Variants in ARHGAP32 observed in about 807,000 individuals in gnomAD.
ARHGAP32 encodes Rho GTPase activating protein 32, also known as rho GTPase-activating protein 32.
A neutral mutation model predicts 186.5 loss-of-function variants in ARHGAP32; 51 were observed. The observed-to-expected ratio is 0.27, with a 90% CI of 0.22 to 0.35. The LOEUF (loss-of-function observed/expected upper bound fraction) is 0.35, where lower values mean the gene tolerates loss of function less well. ARHGAP32 is among the 10% of genes least tolerant of loss of function. ARHGAP32 has a pLI of 1.00. For missense variants in ARHGAP32, 2,186 were observed against 2,623.5 expected, an observed-to-expected ratio of 0.83 and a Z score of 3.64; for synonymous variants, 950 against 964.3, an observed-to-expected ratio of 0.99 and a Z score of 0.27.
intron 1 of ARHGAP32, among the ~76,000 whole-genome samples, chr11:129,277,252 G>T (rs1383341613): frequency 6.6e-6 from 1 of 152,002 alleles, no homozygotes; most frequent in Non-Finnish European, 1.5e-5. Context: ...AAGTAGAGAT[G>T]AATGTATTGC....
chr11:128,980,785 C>T (rs1215986500), intron 17 of ARHGAP32, 37 bp from the exon 18 acceptor site: 6 of 1,455,238 alleles, frequency 4.1e-6, no homozygotes, highest in Non-Finnish European at 5.7e-6. Flanking sequence ...AGAGAGTCAA[C>T]TACGTGAGTG....
At chr11:129,199,059 C>T (rs991909043) in intron 1 of ARHGAP32, among the ~76,000 whole-genome samples, 13 of 152,162 alleles carry the variant, frequency 8.5e-5, no homozygotes, top group African/African-American at 3.1e-4. Context: ...ATTTGTGGAA[C>T]TTTGAACTTG....
Position 128,972,784 on chromosome 11 carries a change from G to A in ARHGAP32, c.3722C>T (p.Pro1241Leu). The A allele has an allele frequency of 6.2e-7, 1 of 1,613,922 alleles. No individual in the cohort carries two copies. The highest frequency in any genetic ancestry group is 8.5e-7 in the Non-Finnish European group (1 of 1,179,986). ...LGASVDKLHH[P>L]LEFADKSPTP... Reference sequence around the variant, plus strand: ...GGGAGATTTGTCTGCAAATTCTAAAGGGTGATGGAGTTTATCCACACTTGC... The same window carrying A: ...GGGAGATTTGTCTGCAAATTCTAAAAGGTGATGGAGTTTATCCACACTTGC... Residue 1241 changes from proline to leucine, a missense_variant, in exon 22 of 23, where the codon CCT (proline) becomes CTT (leucine). Physicochemically the swap from Pro to Leu is moderately conservative, Grantham distance 98. Transcript: ENST00000682385.
chr11:129,117,352 C>T (rs1235146262), intron 5 of ARHGAP32, among the ~76,000 whole-genome samples: 2 of 151,988 alleles, frequency 1.3e-5, no homozygotes, highest in African/African-American at 4.8e-5. Flanking sequence ...CTGGCTCAGA[C>T]AAAACATTCA....
intron 1 of ARHGAP32, among the ~76,000 whole-genome samples, chr11:129,189,437 A>G (rs959894227): frequency 2.0e-5 from 3 of 152,226 alleles, no homozygotes; most frequent in African/African-American, 7.2e-5. Context: ...ATTACATATA[A>G]CAATTTCTAA....
At chr11:129,232,980 G>A (rs1944878075) in intron 1 of ARHGAP32, among the ~76,000 whole-genome samples, 1 of 152,090 alleles carries the variant, frequency 6.6e-6, no homozygotes, top group Non-Finnish European at 1.5e-5. Context: ...ATTGGGGTAT[G>A]GATTACTTAA....
intron 1 of ARHGAP32, among the ~76,000 whole-genome samples, chr11:129,277,690 C>T (rs1945549444): frequency 6.6e-6 from 1 of 152,184 alleles, no homozygotes; most frequent in African/African-American, 2.4e-5. Context: ...CATAGAGACA[C>T]CTGCTCTATG....
At chr11:129,039,031 TC>T (rs2135012598) in intron 11 of ARHGAP32, among the ~76,000 whole-genome samples, 1 of 151,136 alleles carries the variant, frequency 6.6e-6, no homozygotes, top group South Asian at 2.1e-4. Context: ...GCAAGTCAAA[TC>T]CACAGTGAGA....
intron 1 of ARHGAP32, among the ~76,000 whole-genome samples, chr11:129,170,474 T>C (rs992223158): frequency 1.3e-5 from 2 of 152,208 alleles, no homozygotes; most frequent in African/African-American, 4.8e-5. Flanking sequence ...GATGATGGCT[T>C]CCAGCTCTGT....
At chr11:129,130,913 C>CCACTAAAAA (rs1370698868) in intron 2 of ARHGAP32, among the ~76,000 whole-genome samples, 1 of 151,938 alleles carries the variant, frequency 6.6e-6, no homozygotes, top group Non-Finnish European at 1.5e-5. Flanking sequence ...TTATTCATAA[C>CCACTAAAAA]CACTAAAAAT....
intron 6 of ARHGAP32, among the ~76,000 whole-genome samples, chr11:129,086,024 A>AAC (rs907807419): frequency 1.3e-5 from 2 of 151,434 alleles, no homozygotes; most frequent in Non-Finnish European, 2.9e-5. Flanking sequence ...AAACAAAAAA[A>AAC]AAAAACAAAA....
rs373633017 is a variant in ARHGAP32, at chr11:129,004,295, T to G, written c.1046-5827A>C. On this transcript the variant is annotated intron_variant, in intron 11 of 22. Transcript: ENST00000682385. ...ACTTTCAGATTTGTGTGACCTAACA[T>G]GTGGTCTATCCTTGAGAATAATCCA... is the stretch of plus-strand genomic sequence containing the variant. 9.0e-5 allele frequency among the ~76,000 whole-genome samples: 13 copies of G among 144,390 alleles called. No homozygotes were observed. The South Asian group carries it at 1.1e-3, about 12-fold the overall frequency. The allele number at this position is 144,390 out of a possible 152,430, so 94.7% of individuals were successfully genotyped here. A position where few individuals can be genotyped will look rare whatever the true frequency, so the allele number is the denominator to read the frequency against.
chr11:129,122,406 C>G (rs1227459024), intron 5 of ARHGAP32, among the ~76,000 whole-genome samples: 1 of 151,816 alleles, frequency 6.6e-6, no homozygotes, highest in East Asian at 1.9e-4. Context: ...CTAAATCACT[C>G]AAACAGATAT....
At chr11:129,042,482 G>A (rs1031884742) in intron 10 of ARHGAP32, among the ~76,000 whole-genome samples, 5 of 151,930 alleles carry the variant, frequency 3.3e-5, no homozygotes, top group Non-Finnish European at 4.4e-5. Flanking sequence ...CCTATTTTAC[G>A]GAACAAGTAG....
intron 1 of ARHGAP32, among the ~76,000 whole-genome samples, chr11:129,230,505 A>T (rs1944843788): frequency 6.6e-6 from 1 of 151,206 alleles, no homozygotes; most frequent in Admixed American, 6.6e-5. Flanking sequence ...GTTTTATTCT[A>T]CTTACTTTTT....
chr11:129,121,590 T>TGGTC, intron 5 of ARHGAP32, among the ~76,000 whole-genome samples: 1 of 152,186 alleles, frequency 6.6e-6, no homozygotes, highest in East Asian at 1.9e-4. Context: ...CCAGGCCTCC[T>TGGTC]GGTCAATCAA....
At chr11:128,983,223 C>G (rs1945760229) in intron 15 of ARHGAP32, among the ~76,000 whole-genome samples, 1 of 152,138 alleles carries the variant, frequency 6.6e-6, no homozygotes, top group South Asian at 2.1e-4. Flanking sequence ...AAATCAAGGT[C>G]AGAGTGGCTC....
At chr11:129,210,329 C>G (rs1257599961) in intron 1 of ARHGAP32, among the ~76,000 whole-genome samples, 2 of 152,114 alleles carry the variant, frequency 1.3e-5, no homozygotes. Flanking sequence ...TTTCTTCTAC[C>G]TTACAACTGT....
At chr11:129,202,552 G>A (rs957155052) in intron 1 of ARHGAP32, among the ~76,000 whole-genome samples, 3 of 152,018 alleles carry the variant, frequency 2.0e-5, no homozygotes, top group African/African-American at 4.8e-5. Context: ...TCATGTATGC[G>A]ATATAAATAA....
Sources: allele counts gnomAD v4.1 joint callset (sites outside exome capture counted in the v4.1 genomes callset), GRCh38; gene constraint gnomAD v4.1.1; transcripts MANE v1.5; gene names NCBI Gene and HGNC (gene_info 2026-07-23, HGNC 2026-07-21).